Variants in NPAS3 observed in about 807,000 individuals in gnomAD.
The protein encoded by NPAS3 is neuronal PAS domain-containing protein 3.
In NPAS3, 14 loss-of-function variants were observed where a neutral mutation model predicts 73.1. The ratio of observed to expected loss-of-function variants is 0.19; its 90% CI spans 0.13 to 0.30. NPAS3 has a LOEUF of 0.30. Ranked by LOEUF, NPAS3 falls within the 10% of genes least tolerant of loss-of-function variation. The probability of loss-of-function intolerance (pLI) is 1.00; values close to 1 mark genes in which losing one functional copy is unlikely to be tolerated. For synonymous variants in NPAS3, 620 were observed against 541.5 expected, an observed-to-expected ratio of 1.14 and a Z score of -2.01; for missense variants, 1,096 against 1,250.0, an observed-to-expected ratio of 0.88 and a Z score of 1.86.
intron 4 of NPAS3, among the ~76,000 whole-genome samples, chr14:33,392,429 T>G (rs2047047332): frequency 6.6e-6 from 1 of 152,164 alleles, no homozygotes; most frequent in Non-Finnish European, 1.5e-5. Context: ...ATATAGGATC[T>G]GTACCTAGGT....
intron 1 of NPAS3, among the ~76,000 whole-genome samples, chr14:33,042,974 T>A (rs1434834833): frequency 6.6e-6 from 1 of 152,242 alleles, no homozygotes; most frequent in Non-Finnish European, 1.5e-5. Context: ...ATCTCAAATA[T>A]ACCCAGGAAA....
chr14:33,228,361 G>A (rs917500841), intron 3 of NPAS3, among the ~76,000 whole-genome samples: 1 of 152,090 alleles, frequency 6.6e-6, no homozygotes, highest in Non-Finnish European at 1.5e-5. Flanking sequence ...ACATGTAGAA[G>A]TTGATTTTAT....
intron 4 of NPAS3, among the ~76,000 whole-genome samples, chr14:33,505,488 G>T (rs1404107056): frequency 1.3e-5 from 2 of 151,946 alleles, no homozygotes; most frequent in Admixed American, 6.6e-5. Context: ...GTTATTAAAA[G>T]GTCTTTCAGC....
chr14:33,762,731 C>G (rs1223794782), intron 7 of NPAS3, among the ~76,000 whole-genome samples: 1 of 152,148 alleles, frequency 6.6e-6, no homozygotes, highest in African/African-American at 2.4e-5. Flanking sequence ...TAAGGAGTTT[C>G]CAAATGTGTG....
At chr14:33,597,663 C>G (rs753787822) in intron 5 of NPAS3, among the ~76,000 whole-genome samples, 1 of 152,150 alleles carries the variant, frequency 6.6e-6, no homozygotes, top group Non-Finnish European at 1.5e-5. Context: ...AGCAGTTACT[C>G]GAGAGTGGGA....
At chr14:33,035,303 C>G (rs2040127635) in intron 1 of NPAS3, among the ~76,000 whole-genome samples, 1 of 152,114 alleles carries the variant, frequency 6.6e-6, no homozygotes, top group Non-Finnish European at 1.5e-5. Flanking sequence ...TACCTAGAAG[C>G]AGATTTTTTT....
At chr14:33,716,551 A>C (rs1418935886) in intron 6 of NPAS3, among the ~76,000 whole-genome samples, 1 of 152,124 alleles carries the variant, frequency 6.6e-6, no homozygotes, top group Non-Finnish European at 1.5e-5. Context: ...ATTGTTGTGC[A>C]ACCACCACCC....
chr14:33,088,003 A>G (rs2042093937), intron 2 of NPAS3, among the ~76,000 whole-genome samples: 1 of 152,262 alleles, frequency 6.6e-6, no homozygotes. Context: ...CTACCAATGA[A>G]TAATGATTTG....
chr14:33,142,531 T>C (rs1026805537), intron 2 of NPAS3, among the ~76,000 whole-genome samples: 1 of 152,202 alleles, frequency 6.6e-6, no homozygotes, highest in Non-Finnish European at 1.5e-5. Flanking sequence ...TTAATTGCCA[T>C]ATTTTTATAA....
intron 3 of NPAS3, among the ~76,000 whole-genome samples, chr14:33,329,630 GTGGGGTAGGCAGGGGCACGA>G (rs1349946752): frequency 1.3e-5 from 2 of 152,096 alleles, no homozygotes; most frequent in Non-Finnish European, 2.9e-5. Context: ...GAGGAGGTTG[GTGGGGTAGGCAGGGGCACGA>G]TGGGGTAGGC....
intron 4 of NPAS3, among the ~76,000 whole-genome samples, chr14:33,492,480 C>T (rs2051949258): frequency 6.6e-6 from 1 of 152,114 alleles, no homozygotes; most frequent in Non-Finnish European, 1.5e-5. Flanking sequence ...ATGTTTCTCT[C>T]ATGCAAAGAG....
chr14:33,572,799 C>T (rs1188170090), intron 5 of NPAS3, among the ~76,000 whole-genome samples: 1 of 151,924 alleles, frequency 6.6e-6, no homozygotes, highest in African/African-American at 2.4e-5. Context: ...CCGAGGTGGG[C>T]GGATCATGAG....
At chr14:32,943,029 T>C (rs2036090303) in intron 1 of NPAS3, among the ~76,000 whole-genome samples, 2 of 152,190 alleles carry the variant, frequency 1.3e-5, no homozygotes, top group African/African-American at 4.8e-5. Context: ...AGACCCTCCC[T>C]CATTACAACA....
At chr14:33,289,184 G>A (rs188345766) in intron 3 of NPAS3, among the ~76,000 whole-genome samples, 1 of 152,260 alleles carries the variant, frequency 6.6e-6, no homozygotes, top group East Asian at 1.9e-4. Context: ...CCATTTTGCA[G>A]ATGAGAAAGT....
chr14:32,993,149 C>CAAAA (rs538579532), intron 1 of NPAS3, among the ~76,000 whole-genome samples: 3 of 92,086 alleles, frequency 3.3e-5, no homozygotes, highest in Non-Finnish European at 4.5e-5. Flanking sequence ...AACTTCGTCT[C>CAAAA]AAAAAAAAAA....
intron 3 of NPAS3, among the ~76,000 whole-genome samples, chr14:33,242,802 C>A (rs1162905381): frequency 1.3e-5 from 2 of 152,048 alleles, no homozygotes; most frequent in African/African-American, 4.8e-5. Context: ...TACATTGCTC[C>A]AAGATAAATC....
At chr14:33,583,042 T>C (rs1290842355) in intron 5 of NPAS3, among the ~76,000 whole-genome samples, 1 of 142,774 alleles carries the variant, frequency 7.0e-6, no homozygotes, top group Admixed American at 7.5e-5. Context: ...AGGTAAGTTC[T>C]AACCACTACA....
At chr14:33,093,318 C>A (rs542853098) in intron 2 of NPAS3, among the ~76,000 whole-genome samples, 2 of 152,166 alleles carry the variant, frequency 1.3e-5, no homozygotes, top group Admixed American at 6.5e-5. Context: ...AGGTTATGAA[C>A]AGTCACTTCT....
At chr14:33,679,319 A>G (rs904167853) in intron 6 of NPAS3, among the ~76,000 whole-genome samples, 3 of 152,204 alleles carry the variant, frequency 2.0e-5, no homozygotes, top group African/African-American at 4.8e-5. Flanking sequence ...AAATACTGAA[A>G]AGCAGTGTAG....
Sources: allele counts gnomAD v4.1 joint callset (sites outside exome capture counted in the v4.1 genomes callset), GRCh38; gene constraint gnomAD v4.1.1; transcripts MANE v1.5; gene names NCBI Gene and HGNC (gene_info 2026-07-23, HGNC 2026-07-21).